Variants in ATP8B4 observed in about 807,000 individuals in gnomAD.
ATP8B4 encodes the protein probable phospholipid-transporting ATPase IM.
ATP8B4 carries 133 observed loss-of-function variants against 145.6 expected under a neutral mutation model. That is an observed-to-expected ratio of 0.91 (90% CI 0.79 to 1.05). The LOEUF (loss-of-function observed/expected upper bound fraction) is 1.05, where lower values mean the gene tolerates loss of function less well. ATP8B4 is among the 50% of genes least tolerant of loss of function. ATP8B4 has a pLI of 0.00. For missense variants in ATP8B4, 1,458 were observed against 1,425.2 expected (o/e 1.02, Z -0.37); for synonymous variants, 507 against 492.9 (o/e 1.03, Z -0.38).
intron 13 of ATP8B4, among the ~76,000 whole-genome samples, chr15:49,963,602 T>C (rs1172919783): frequency 6.6e-6 from 1 of 152,168 alleles, no homozygotes; most frequent in Non-Finnish European, 1.5e-5. Context: ...GGTCATGTCC[T>C]TTGCCGGGAC....
chr15:49,985,784 G>T (rs1018600608), intron 10 of ATP8B4, among the ~76,000 whole-genome samples: 1 of 152,088 alleles, frequency 6.6e-6, no homozygotes, highest in East Asian at 1.9e-4. Flanking sequence ...AAGCAGAAAA[G>T]GAAGGAAAAT....
At chr15:49,949,419 T>A (rs2042867880) in intron 14 of ATP8B4, among the ~76,000 whole-genome samples, 1 of 152,168 alleles carries the variant, frequency 6.6e-6, no homozygotes, top group African/African-American at 2.4e-5. Flanking sequence ...TATTTTATTC[T>A]CTTCGTAGTG....
At chr15:49,973,122 G>T (rs748025671) in intron 12 of ATP8B4, among the ~76,000 whole-genome samples, 6 of 152,114 alleles carry the variant, frequency 3.9e-5, no homozygotes, top group Non-Finnish European at 5.9e-5. Flanking sequence ...ATACGGCAGT[G>T]GTCCCCAACC....
intron 3 of ATP8B4, among the ~76,000 whole-genome samples, chr15:50,072,669 TG>T (rs2053817328): frequency 6.6e-6 from 1 of 151,912 alleles, no homozygotes; most frequent in Non-Finnish European, 1.5e-5. Flanking sequence ...TCACCCAGGC[TG>T]GAGTGAGTGC....
intron 10 of ATP8B4, among the ~76,000 whole-genome samples, chr15:49,985,015 T>A (rs1239472051): frequency 6.6e-6 from 1 of 152,174 alleles, no homozygotes; most frequent in Non-Finnish European, 1.5e-5. Flanking sequence ...ATCATATCTG[T>A]GTCATCTATA....
chr15:49,948,871 C>T (rs1409982467), intron 14 of ATP8B4, among the ~76,000 whole-genome samples: 1 of 152,084 alleles, frequency 6.6e-6, no homozygotes, highest in African/African-American at 2.4e-5. Flanking sequence ...GAAGTCTTTG[C>T]CCATGTCTAT....
intron 22 of ATP8B4, 105 bp downstream of exon 22, chr15:49,897,963 T>C: frequency 7.8e-7 from 1 of 1,275,532 alleles, no homozygotes; most frequent in African/African-American, 1.5e-5. Context: ...TTAGAATCAC[T>C]GGCAAAATTA....
intron 3 of ATP8B4, among the ~76,000 whole-genome samples, chr15:50,048,630 C>A (rs886266582): frequency 6.6e-6 from 1 of 151,762 alleles, no homozygotes; most frequent in Non-Finnish European, 1.5e-5. Context: ...ATCGCTTGAA[C>A]CCAGGAAGCG....
At chr15:49,978,274 C>G (rs1277030563) in intron 12 of ATP8B4, among the ~76,000 whole-genome samples, 1 of 152,098 alleles carries the variant, frequency 6.6e-6, no homozygotes, top group African/African-American at 2.4e-5. Flanking sequence ...GCAGGATTTA[C>G]TACAGACTTT....
At chr15:50,083,438 A>T (rs1444842970) in intron 2 of ATP8B4, among the ~76,000 whole-genome samples, 1 of 148,562 alleles carries the variant, frequency 6.7e-6, no homozygotes, top group Non-Finnish European at 1.5e-5. Flanking sequence ...TTTCTGTATC[A>T]TCTCTACTCA....
rs373934302 is a variant in ATP8B4 at position 50,073,019 on chromosome 15, T to TACACACAC, written c.87+1100_87+1107dup. Among the ~76,000 whole-genome samples the TACACACAC allele has an allele frequency of 6.3e-3, 204 of 32,358 alleles. 2 individuals are homozygous for TACACACAC. The highest frequency in any genetic ancestry group is 0.018 in the African/African-American group (136 of 7,354). 21.2% of individuals were successfully genotyped at this position (32,358 alleles called of 152,430 possible). A position where few individuals can be genotyped will look rare whatever the true frequency, so the allele number is the denominator to read the frequency against. On this transcript the variant is annotated intron_variant, in intron 3 of 27. Coordinates refer to ENST00000284509, the MANE Select transcript of ATP8B4 (RefSeq NM_024837.4). ...ATATATATATATATATATATATATA[T>TACACACAC]ACACACACACACACACACACACACA...
chr15:50,002,220 C>A lies in ATP8B4; in HGVS notation c.439G>T (p.Asp147Tyr), dbSNP rs1384853461. The A allele has an allele frequency of 1.9e-6, 3 of 1,608,168 alleles. No individual in the cohort carries two copies. The highest frequency in any genetic ancestry group is 1.7e-6 in the Non-Finnish European group (2 of 1,175,974). The change falls in exon 8 of 28, where the codon GAT becomes TAT. Residue 147 changes from aspartate to tyrosine, a missense_variant. Transcript: ENST00000284509. ...KLENNQFVAA[D>Y]LLLLSSSEPH... is the part of the protein sequence containing the mutation. ...TCACTACTTGATAGGAGAAGTAAAT[C>A]AGCCTATTTTCAAAAATCATAACAA...
upstream of ATP8B4, among the ~76,000 whole-genome samples, chr15:50,119,752 CTTTTTT>C (rs572570694): frequency 2.8e-3 from 256 of 91,600 alleles, no homozygotes; most frequent in Middle Eastern, 8.3e-3. Context: ...GTTTTTGTCA[CTTTTTT>C]TTTTTTTTTT....
At chr15:49,986,525 A>G (rs988692015) in intron 10 of ATP8B4, among the ~76,000 whole-genome samples, 8 of 152,244 alleles carry the variant, frequency 5.3e-5, no homozygotes, top group Admixed American at 5.2e-4. Flanking sequence ...AACAGCTGAC[A>G]GTATTTAGAG....
rs534002680 is a variant in ATP8B4, at chr15:49,947,198, C to G, written c.1288-13016G>C. 4.6e-5 allele frequency among the ~76,000 whole-genome samples: 7 copies of G among 152,008 alleles called. No homozygotes were observed. In the South Asian group the frequency reaches 8.3e-4, roughly 18 times the overall value. ...TTGTAATCCCAGCATTTTGAGAAGC[C>G]AAGGTAGGCGGATCACGAAGTCAGG... On this transcript the variant is annotated intron_variant, in intron 14 of 27. Transcript: ENST00000284509.
chr15:50,110,210 G>C (rs922175381), intron 1 of ATP8B4, among the ~76,000 whole-genome samples: 1 of 152,132 alleles, frequency 6.6e-6, no homozygotes, highest in African/African-American at 2.4e-5. Context: ...CTAGTCAAGT[G>C]TTGTCACTCT....
chr15:50,140,885 T>C (rs1595639989), intron 1 of ATP8B4, among the ~76,000 whole-genome samples: 1 of 152,084 alleles, frequency 6.6e-6, no homozygotes, highest in Admixed American at 6.5e-5. Flanking sequence ...ACTCCTAAGG[T>C]GATTGTAATG....
At chr15:49,964,819 C>A (rs914878905) in intron 13 of ATP8B4, among the ~76,000 whole-genome samples, 3 of 152,094 alleles carry the variant, frequency 2.0e-5, no homozygotes, top group Non-Finnish European at 2.9e-5. Flanking sequence ...ACAAATGAAT[C>A]CTGGTCCACA....
chr15:50,005,450 T>C (rs2048226925), intron 7 of ATP8B4, among the ~76,000 whole-genome samples: 2 of 152,226 alleles, frequency 1.3e-5, no homozygotes, highest in Non-Finnish European at 2.9e-5. Context: ...ATTGTGTCGT[T>C]TTACTCTCTT....
Sources: allele counts gnomAD v4.1 joint callset (sites outside exome capture counted in the v4.1 genomes callset), GRCh38; gene constraint gnomAD v4.1.1; transcripts MANE v1.5; gene names NCBI Gene and HGNC (gene_info 2026-07-23, HGNC 2026-07-21).